The following PUS10 variants were observed in gnomAD, a reference collection of about 807,000 sequenced individuals.
PUS10 encodes the protein pseudouridine synthase 10.
PUS10 carries 59 observed loss-of-function variants against 75.0 expected under a neutral mutation model. The ratio of observed to expected loss-of-function variants is 0.79; its 90% CI spans 0.64 to 0.98. The LOEUF (loss-of-function observed/expected upper bound fraction) is 0.98, where lower values mean the gene tolerates loss of function less well. Among genes scored for constraint, PUS10 ranks in the 50% least tolerant of loss-of-function variants. The pLI is 0.00. For synonymous variants in PUS10, 219 were observed against 211.6 expected, an observed-to-expected ratio of 1.03 and a Z score of -0.30; for missense variants, 650 against 614.4, an observed-to-expected ratio of 1.06 and a Z score of -0.61.
intron 4 of PUS10, among the ~76,000 whole-genome samples, chr2:60,994,093 C>T (rs749721771): frequency 1.3e-4 from 19 of 151,762 alleles, no homozygotes; most frequent in Non-Finnish European, 2.5e-4. Flanking sequence ...CCGGCCAGAT[C>T]GACACTTCGT....
chr2:61,015,368 T>G (rs1283325601), intron 1 of PUS10, among the ~76,000 whole-genome samples: 1 of 151,742 alleles, frequency 6.6e-6, no homozygotes, highest in Non-Finnish European at 1.5e-5. Flanking sequence ...CGTGTGGAGG[T>G]GTGCACCTGT....
chr2:61,010,723 T>C (rs899475319), intron 2 of PUS10: 27 of 1,519,784 alleles, frequency 1.8e-5, no homozygotes, highest in Non-Finnish European at 2.4e-5. Context: ...TACAGAGGAG[T>C]AAACTGAAGC....
intron 1 of PUS10, chr2:61,017,683 T>A: frequency 8.3e-7 from 1 of 1,207,574 alleles, no homozygotes; most frequent in African/African-American, 1.5e-5. Context: ...GCCCGTTGTG[T>A]CTTACGCTCC....
intron 4 of PUS10, among the ~76,000 whole-genome samples, chr2:60,991,229 A>C (rs1370127594): frequency 6.6e-6 from 1 of 152,204 alleles, no homozygotes; most frequent in East Asian, 1.9e-4. Context: ...TTCTTCATGC[A>C]GAAGAATATA....
rs765973674 is a variant in PUS10, at chr2:60,965,105, TA to T, written c.678-3del. On this transcript the variant is annotated splice_region_variant and splice_polypyrimidine_tract_variant and intron_variant, in intron 7 of 17. Coordinates refer to ENST00000316752, the MANE Select transcript of PUS10 (RefSeq NM_144709.4). Reference sequence around the variant, plus strand: ...AAACAATCTGGGCATATCGCAGCTCTAAAATAAAATTCAAGTTAATATAAAA... The same window carrying T: ...AAACAATCTGGGCATATCGCAGCTCTAAATAAAATTCAAGTTAATATAAAA... 28 of 1,612,624 alleles carry T rather than the reference TA, an allele frequency of 1.7e-5. No individual in the cohort carries two copies. Among genetic ancestry groups the T allele is most frequent in the Non-Finnish European group, 2.4e-5 (28 of 1,178,906 alleles).
intron 1 of PUS10, among the ~76,000 whole-genome samples, chr2:61,014,395 C>T (rs1679834414): frequency 6.6e-6 from 1 of 151,970 alleles, no homozygotes; most frequent in Non-Finnish European, 1.5e-5. Context: ...AACAAGCAAA[C>T]AAACAAACAA....
At position 61,006,577 on chromosome 2, in the gene PUS10, G is replaced by C; in HGVS notation, c.448C>G (p.Pro150Ala). Residue 150 changes from proline to alanine, a missense_variant, in exon 4 of 18, where the codon CCA (proline) becomes GCA (alanine). Physicochemically the swap from Pro to Ala is conservative, Grantham distance 27 (BLOSUM62 -1). Coordinates refer to ENST00000316752, the MANE Select transcript of PUS10 (RefSeq NM_144709.4). ...CTTACCTCTCTTACAGATAGTTGTGGTGGGAAGGAGACTGAAAATACCAAG... is the reference window on the plus strand; with the variant it reads ...CTTACCTCTCTTACAGATAGTTGTGCTGGGAAGGAGACTGAAAATACCAAG... Reference protein sequence around the residue: ...TSLVFSVSFPPQLSVREHAAW... With the variant: ...TSLVFSVSFPAQLSVREHAAW... 6.2e-7 allele frequency: 1 copy of C among 1,613,260 alleles called. No homozygotes were observed. Among genetic ancestry groups the C allele is most frequent in the Non-Finnish European group, 8.5e-7 (1 of 1,179,494 alleles).
chr2:60,953,247 A>G (rs541291439), intron 14 of PUS10, 133 bp from the exon 15 acceptor site: 4 of 636,302 alleles, frequency 6.3e-6, no homozygotes, highest in African/African-American at 5.5e-5. Context: ...AATGATTTTT[A>G]GTATGTTTTC....
intron 1 of PUS10, among the ~76,000 whole-genome samples, 176 bp from the exon 2 acceptor site, chr2:61,012,081 A>G (rs1428626068): frequency 6.6e-6 from 1 of 152,212 alleles, no homozygotes; most frequent in African/African-American, 2.4e-5. Context: ...GGAAGTTCAT[A>G]AGATGGATCC....
intron 4 of PUS10, among the ~76,000 whole-genome samples, chr2:60,978,421 T>TAAA (rs71398605): frequency 9.1e-5 from 9 of 99,370 alleles, no homozygotes; most frequent in African/African-American, 2.4e-4. Flanking sequence ...GACTCCATCT[T>TAAA]AAAAAAAAAA....
intron 4 of PUS10, among the ~76,000 whole-genome samples, chr2:60,981,361 C>T (rs1262327442): frequency 6.6e-6 from 1 of 151,932 alleles, no homozygotes; most frequent in East Asian, 1.9e-4. Context: ...CGGCTCACTG[C>T]AACTTTTGCC....
rs542378155 is a variant in PUS10 at position 60,959,535 on chromosome 2, C to T, written c.1000+857G>A. On this transcript the variant is annotated intron_variant, in intron 11 of 17. Transcript: ENST00000316752. ...TTCCAAGTAGCTGGGACTATTGGTG[C>T]GCACCACCATGCCCAGCTGATTTTT... Among the ~76,000 whole-genome samples, 463 of 152,206 alleles carry T rather than the reference C, an allele frequency of 3.0e-3. 1 individual carries two copies. The highest frequency in any genetic ancestry group is 5.1e-3 in the Non-Finnish European group (345 of 68,010).
intron 4 of PUS10, among the ~76,000 whole-genome samples, chr2:60,981,805 C>A (rs1677412457): frequency 6.6e-6 from 1 of 152,008 alleles, no homozygotes; most frequent in African/African-American, 2.4e-5. Flanking sequence ...AATCACATAG[C>A]CTCTGGAAAA....
chr2:60,963,318 T>C (rs1218382834), intron 8 of PUS10, among the ~76,000 whole-genome samples: 1 of 152,216 alleles, frequency 6.6e-6, no homozygotes, highest in Non-Finnish European at 1.5e-5. Context: ...GAGGCCACAG[T>C]ATGTAATTTA....
chr2:60,953,775 A>G (rs186816124), intron 14 of PUS10, among the ~76,000 whole-genome samples, 158 bp downstream of exon 14: 2 of 152,144 alleles, frequency 1.3e-5, no homozygotes, highest in Non-Finnish European at 2.9e-5. Flanking sequence ...GGCTATTCCT[A>G]TATCCTCCTT....
intron 1 of PUS10, among the ~76,000 whole-genome samples, chr2:61,015,504 C>A (rs1459885466): frequency 1.3e-5 from 2 of 151,926 alleles, no homozygotes; most frequent in African/African-American, 4.8e-5. Context: ...TCGAGACCAT[C>A]CTGGCTAACA....
chr2:60,981,888 C>T (rs1298907714), intron 4 of PUS10, among the ~76,000 whole-genome samples: 1 of 152,008 alleles, frequency 6.6e-6, no homozygotes, highest in African/African-American at 2.4e-5. Flanking sequence ...TACTTTTGAC[C>T]TCGTGAACCC....
rs1384409912 is a variant in PUS10 at position 60,942,156 on chromosome 2, G to C, written c.*239C>G. On this transcript the variant is annotated 3_prime_UTR_variant, in exon 18 of 18. Coordinates refer to ENST00000316752, the MANE Select transcript of PUS10 (RefSeq NM_144709.4). ...TATTTCATTATTCATAGTTTGGTTT[G>C]TGGGGGTGAAAGAGGGAATGAGAAA... 2 of 460,856 alleles carry C rather than the reference G, an allele frequency of 4.3e-6. No individual in the cohort carries two copies. Among genetic ancestry groups the C allele is most frequent in the Non-Finnish European group, 3.9e-6 (1 of 253,268 alleles). 28.5% of individuals were successfully genotyped at this position (460,856 alleles called of 1,614,324 possible).
intron 17 of PUS10, among the ~76,000 whole-genome samples, chr2:60,943,727 C>T (rs1674761105): frequency 6.6e-6 from 1 of 151,316 alleles, no homozygotes; most frequent in Non-Finnish European, 1.5e-5. Context: ...TGAGTGTTTT[C>T]TCAAGCTGAA....
Sources: gnomAD v4.1 joint callset for allele counts (sites outside exome capture counted in the v4.1 genomes callset) on GRCh38, gnomAD v4.1.1 for gene constraint, MANE v1.5 for transcripts, NCBI Gene and HGNC (gene_info 2026-07-23, HGNC 2026-07-21) for gene names.